The following FGF14 variants were observed in gnomAD, a reference collection of about 807,000 sequenced individuals.
The protein encoded by FGF14 is fibroblast growth factor homologous factor 4.
FGF14 carries 5 observed loss-of-function variants against 25.5 expected under a neutral mutation model. That is an observed-to-expected ratio of 0.20 (90% confidence interval 0.10 to 0.41). The LOEUF is 0.41. Among genes scored for constraint, FGF14 ranks in the 10% least tolerant of loss-of-function variants. The pLI, the probability that FGF14 is intolerant of heterozygous loss-of-function variation, is 1.00. For synonymous variants in FGF14, 138 were observed against 118.3 expected (o/e 1.17, Z -1.08); for missense variants, 222 against 320.1 (o/e 0.69, Z 2.34).
intron 3 of FGF14, among the ~76,000 whole-genome samples, chr13:101,860,731 T>G (rs879328778): frequency 6.6e-6 from 1 of 152,232 alleles, no homozygotes; most frequent in East Asian, 1.9e-4. Flanking sequence ...CATGAGCCAC[T>G]GTGCCTAGCC....
At chr13:102,317,049 C>T (rs2056059363) in intron 1 of FGF14, among the ~76,000 whole-genome samples, 1 of 151,966 alleles carries the variant, frequency 6.6e-6, no homozygotes, top group African/African-American at 2.4e-5. Flanking sequence ...CATTTCATTC[C>T]ATCACGTACC....
chr13:102,111,003 C>A lies in FGF14; in HGVS notation c.209-235707G>T, dbSNP rs1382136655. Among the ~76,000 whole-genome samples the A allele has an allele frequency of 5.9e-5, 9 of 152,190 alleles. No homozygotes were observed. The East Asian group carries it at 9.6e-4, about 16-fold the overall frequency. ...GGCCTTGAAGAATCTGTTCCTGAGACCTTCATTTACAGAATCCTCTTACAG... is the reference window on the plus strand; with the variant it reads ...GGCCTTGAAGAATCTGTTCCTGAGAACTTCATTTACAGAATCCTCTTACAG... On this transcript the variant is annotated intron_variant, in intron 1 of 4. Coordinates refer to the FGF14 transcript ENST00000376131.
intron 1 of FGF14, among the ~76,000 whole-genome samples, chr13:102,181,111 T>C (rs940823380): frequency 1.3e-5 from 2 of 152,138 alleles, no homozygotes; most frequent in Non-Finnish European, 2.9e-5. Flanking sequence ...GAATAATTTC[T>C]CCAGATTTGC....
intron 3 of FGF14, among the ~76,000 whole-genome samples, chr13:101,759,337 G>C (rs2037861213): frequency 6.6e-6 from 1 of 152,164 alleles, no homozygotes; most frequent in Admixed American, 6.5e-5. Context: ...ATGGAGTAGA[G>C]AATGCAGTGA....
intron 1 of FGF14, among the ~76,000 whole-genome samples, chr13:102,026,669 A>T (rs2040944675): frequency 6.6e-6 from 1 of 152,042 alleles, no homozygotes; most frequent in Admixed American, 6.6e-5. Context: ...AGTCAAGAAT[A>T]GTGAGAGCAC....
chr13:102,156,501 G>T (rs988433082), intron 1 of FGF14, among the ~76,000 whole-genome samples: 29 of 152,140 alleles, frequency 1.9e-4, no homozygotes, highest in African/African-American at 6.8e-4. Flanking sequence ...GGTATTGATG[G>T]GACATATCTC....
intron 1 of FGF14, among the ~76,000 whole-genome samples, chr13:101,927,434 G>A (rs1594750991): frequency 6.6e-6 from 1 of 152,188 alleles, no homozygotes; most frequent in African/African-American, 2.4e-5. Flanking sequence ...ATTTCTCCAT[G>A]AAATGGGCTT....
rs562133633 is a variant in FGF14, at chr13:102,240,575, A to G, written c.208+160896T>C. ...AACACCCTTTCTTGGAAAACACACA[A>G]CTTGTAAGGACAACTACTGCAGTGC... On this transcript the variant is annotated intron_variant, in intron 1 of 4. Transcript: ENST00000376131. Among the ~76,000 whole-genome samples the G allele has an allele frequency of 1.4e-4, 22 of 152,252 alleles. 1 individual carries two copies. In the South Asian group the frequency reaches 3.9e-3, roughly 27 times the overall value.
chr13:101,767,444 GAT>G (rs150739331), intron 3 of FGF14, among the ~76,000 whole-genome samples: 1,687 of 152,260 alleles, frequency 0.011, 34 homozygotes, highest in African/African-American at 0.038. Context: ...ACTAAAAGCT[GAT>G]ATGTGGAAGC....
At chr13:102,129,392 A>T (rs1382028749) in intron 1 of FGF14, among the ~76,000 whole-genome samples, 1 of 152,226 alleles carries the variant, frequency 6.6e-6, no homozygotes, top group Non-Finnish European at 1.5e-5. Flanking sequence ...ATACAGTTTT[A>T]CATGTTTAGA....
At chr13:102,128,539 C>T (rs1028020891) in intron 1 of FGF14, among the ~76,000 whole-genome samples, 6 of 152,162 alleles carry the variant, frequency 3.9e-5, no homozygotes, top group African/African-American at 1.4e-4. Context: ...GGCTTTTAAC[C>T]ACATGACTCA....
intron 1 of FGF14, among the ~76,000 whole-genome samples, chr13:101,876,827 G>A (rs1434925951): frequency 6.6e-6 from 1 of 152,080 alleles, no homozygotes; most frequent in Non-Finnish European, 1.5e-5. Context: ...GCCTAAGTCT[G>A]CCCATCACCT....
At chr13:102,212,458 C>T (rs2050201456) in intron 1 of FGF14, among the ~76,000 whole-genome samples, 1 of 152,170 alleles carries the variant, frequency 6.6e-6, no homozygotes, top group Non-Finnish European at 1.5e-5. Context: ...GCTCTGAGGG[C>T]ACAGTGCTCC....
intron 3 of FGF14, among the ~76,000 whole-genome samples, chr13:101,791,834 C>T (rs2040252255): frequency 6.6e-6 from 1 of 152,092 alleles, no homozygotes; most frequent in Non-Finnish European, 1.5e-5. Context: ...CTGAGTCAAA[C>T]CCATTCATTT....
At chr13:102,057,464 C>T (rs954464564) in intron 1 of FGF14, among the ~76,000 whole-genome samples, 2 of 152,092 alleles carry the variant, frequency 1.3e-5, no homozygotes, top group African/African-American at 2.4e-5. Context: ...AGTAATTCTG[C>T]TATTAATAAT....
chr13:101,950,751 G>GTTTTTTTTTTTTTTTTTTTTTT (rs61285721), intron 1 of FGF14, among the ~76,000 whole-genome samples: 1 of 131,970 alleles, frequency 7.6e-6, no homozygotes, highest in Non-Finnish European at 1.6e-5. Flanking sequence ...ACCTAATCAT[G>GTTTTTTTTTTTTTTTTTTTTTT]TTTTTTTTTT....
intron 1 of FGF14, among the ~76,000 whole-genome samples, chr13:102,092,163 A>G (rs1221361918): frequency 2.6e-5 from 4 of 152,212 alleles, no homozygotes; most frequent in Non-Finnish European, 5.9e-5. Flanking sequence ...AGAAACTACA[A>G]TCTGCCCTGA....
chr13:102,081,947 A>C (rs2043643010), intron 1 of FGF14, among the ~76,000 whole-genome samples: 1 of 152,182 alleles, frequency 6.6e-6, no homozygotes, highest in Non-Finnish European at 1.5e-5. Context: ...ATTTTGTTTC[A>C]ACTAAAATCT....
chr13:101,938,388 G>A (rs1335272628), intron 1 of FGF14, among the ~76,000 whole-genome samples: 1 of 152,142 alleles, frequency 6.6e-6, no homozygotes, highest in Non-Finnish European at 1.5e-5. Context: ...TGAACATCTG[G>A]TAGAGAATAT....
Sources: allele counts gnomAD v4.1 joint callset (sites outside exome capture counted in the v4.1 genomes callset), GRCh38; gene constraint gnomAD v4.1.1; transcripts MANE v1.5; gene names NCBI Gene and HGNC (gene_info 2026-07-23, HGNC 2026-07-21).